Variants in DIAPH3 observed in about 807,000 individuals in gnomAD.
DIAPH3 encodes diaphanous related formin 3, also known as protein diaphanous homolog 3.
A neutral mutation model predicts 144.3 loss-of-function variants in DIAPH3; 117 were observed. That is an observed-to-expected ratio of 0.81 (90% CI 0.70 to 0.95). The LOEUF (loss-of-function observed/expected upper bound fraction) is 0.95. Ranked by LOEUF, DIAPH3 falls within the 40% of genes least tolerant of loss-of-function variation. The probability of loss-of-function intolerance (pLI) is 0.00; values close to 1 mark genes in which losing one functional copy is unlikely to be tolerated. For missense variants in DIAPH3, 1,421 were observed against 1,412.7 expected (o/e 1.01, Z -0.09); for synonymous variants, 519 against 488.9 (o/e 1.06, Z -0.81).
intron 24 of DIAPH3, among the ~76,000 whole-genome samples, chr13:59,822,563 C>T (rs1341061527): frequency 2.6e-5 from 4 of 152,092 alleles, no homozygotes; most frequent in African/African-American, 4.8e-5. Context: ...GCCTCAGCCT[C>T]CCAAGTAGCT....
In DIAPH3 at chr13:59,857,686, G is replaced by A. The variant is rs566224179; in HGVS notation, c.2737+3721C>T. ...GTATAAGAATTCCTGGAAAACGTAT[G>A]AATTTATCCTTAAATAAAGAGTAGA... On this transcript the variant is annotated intron_variant, in intron 22 of 27. Transcript: ENST00000400324. Among the ~76,000 whole-genome samples the A allele has an allele frequency of 1.8e-4, 27 of 152,232 alleles. 1 individual carries two copies. In the South Asian group the frequency reaches 5.6e-3, roughly 32 times the overall value.
intron 17 of DIAPH3, among the ~76,000 whole-genome samples, chr13:59,930,489 A>G (rs1049732502): frequency 6.6e-6 from 1 of 152,200 alleles, no homozygotes; most frequent in African/African-American, 2.4e-5. Flanking sequence ...AGGTGGGGGT[A>G]TGTGGGAAAG....
intron 3 of DIAPH3, among the ~76,000 whole-genome samples, chr13:60,094,518 G>A (rs1259504295): frequency 6.6e-6 from 1 of 152,150 alleles, no homozygotes; most frequent in South Asian, 2.1e-4. Flanking sequence ...AGACAGAAAT[G>A]GCTAAAGGAG....
chr13:60,042,337 AC>A (rs1739581010), intron 5 of DIAPH3, among the ~76,000 whole-genome samples: 1 of 152,176 alleles, frequency 6.6e-6, no homozygotes. Flanking sequence ...GGTATTTCTT[AC>A]TGTGTCAAAT....
intron 25 of DIAPH3, among the ~76,000 whole-genome samples, chr13:59,778,428 G>T (rs2038542285): frequency 6.6e-6 from 1 of 152,210 alleles, no homozygotes; most frequent in African/African-American, 2.4e-5. Flanking sequence ...ATAAATATAT[G>T]CTGGCTAAAT....
intron 27 of DIAPH3, among the ~76,000 whole-genome samples, chr13:59,713,855 CT>C (rs1794595310): frequency 6.6e-6 from 1 of 152,164 alleles, no homozygotes; most frequent in Admixed American, 6.5e-5. Context: ...GCCAGTTATT[CT>C]GTAAGCATGA....
intron 25 of DIAPH3, among the ~76,000 whole-genome samples, chr13:59,776,019 G>C (rs1004145308): frequency 1.3e-5 from 2 of 152,186 alleles, no homozygotes; most frequent in Admixed American, 1.3e-4. Flanking sequence ...TGCCCGTCCA[G>C]ACAAGGTAAC....
intron 20 of DIAPH3, among the ~76,000 whole-genome samples, chr13:59,906,395 T>C (rs1244970459): frequency 8.5e-5 from 13 of 152,098 alleles, no homozygotes; most frequent in Admixed American, 8.5e-4. Flanking sequence ...GTACAACAGA[T>C]TGTTAAAAAT....
At chr13:59,844,972 T>C (rs925084472) in intron 22 of DIAPH3, among the ~76,000 whole-genome samples, 1 of 152,182 alleles carries the variant, frequency 6.6e-6, no homozygotes, top group South Asian at 2.1e-4. Context: ...ACTTGACAAA[T>C]AGTACTTAAT....
rs188614933 is a variant in DIAPH3, at chr13:60,022,949, T to C, written c.627-6804A>G. ...TGCACTATATAAGGATTTTTGTATC[T>C]ATACTCATGATGAACATTGGTTTGT... is the stretch of plus-strand genomic sequence containing the variant. On this transcript the variant is annotated intron_variant, in intron 5 of 27. Coordinates refer to ENST00000400324, the MANE Select transcript of DIAPH3 (RefSeq NM_001042517.2). Among the ~76,000 whole-genome samples the C allele has an allele frequency of 4.9e-3, 744 of 152,314 alleles. 7 individuals are homozygous for C. Among genetic ancestry groups the C allele is most frequent in the African/African-American group, 0.017 (697 of 41,572 alleles).
intron 1 of DIAPH3, among the ~76,000 whole-genome samples, chr13:60,150,881 G>GGA (rs1434252752): frequency 6.6e-6 from 1 of 152,192 alleles, no homozygotes; most frequent in Non-Finnish European, 1.5e-5. Context: ...GGAGCTCCAT[G>GGA]GTTACTTTTG....
At chr13:60,067,223 T>C (rs2057003873) in intron 4 of DIAPH3, among the ~76,000 whole-genome samples, 1 of 151,768 alleles carries the variant, frequency 6.6e-6, no homozygotes, top group Non-Finnish European at 1.5e-5. Context: ...GAATTGAGGC[T>C]GCAGTAAGCC....
chr13:60,091,304 G>A (rs2057923812), intron 4 of DIAPH3, among the ~76,000 whole-genome samples: 1 of 152,094 alleles, frequency 6.6e-6, no homozygotes, highest in Non-Finnish European at 1.5e-5. Context: ...CACAGTGATA[G>A]ACTATCGTCA....
chr13:59,929,580 T>G (rs2047918936), intron 17 of DIAPH3, among the ~76,000 whole-genome samples: 1 of 136,566 alleles, frequency 7.3e-6, no homozygotes, highest in South Asian at 2.3e-4. Flanking sequence ...TTTTTTTTTT[T>G]GAGATAGAGT....
At chr13:59,978,835 T>G (rs1416073341) in intron 14 of DIAPH3, among the ~76,000 whole-genome samples, 2 of 151,686 alleles carry the variant, frequency 1.3e-5, no homozygotes, top group Non-Finnish European at 3.0e-5. Context: ...ACAGTTAAGG[T>G]TGAGGCTCTG....
intron 24 of DIAPH3, among the ~76,000 whole-genome samples, chr13:59,831,848 A>T (rs1019296475): frequency 7.2e-5 from 11 of 151,898 alleles, no homozygotes; most frequent in African/African-American, 2.7e-4. Flanking sequence ...TTATTGAGCA[A>T]CTACCATGTG....
chr13:59,824,916 C>T (rs776910623), intron 24 of DIAPH3, among the ~76,000 whole-genome samples: 71 of 152,058 alleles, frequency 4.7e-4, no homozygotes, highest in Non-Finnish European at 5.9e-4. Flanking sequence ...TGTTCGTGTG[C>T]TCAAAAATAA....
At chr13:59,676,785 A>G (rs1325192058) in intron 27 of DIAPH3, among the ~76,000 whole-genome samples, 1 of 152,198 alleles carries the variant, frequency 6.6e-6, no homozygotes, top group Non-Finnish European at 1.5e-5. Context: ...TTGATTTTTG[A>G]TATGCATTTA....
At chr13:59,920,345 G>A (rs2047446186) in intron 18 of DIAPH3, among the ~76,000 whole-genome samples, 1 of 151,728 alleles carries the variant, frequency 6.6e-6, no homozygotes, top group Non-Finnish European at 1.5e-5. Context: ...CAAGTGTAAA[G>A]ATAGAAAAAG....
Sources: allele counts gnomAD v4.1 joint callset (sites outside exome capture counted in the v4.1 genomes callset), GRCh38; gene constraint gnomAD v4.1.1; transcripts MANE v1.5; gene names NCBI Gene and HGNC (gene_info 2026-07-23, HGNC 2026-07-21).